ZNF469: variants seen among roughly 807,000 people sequenced by gnomAD.
ZNF469 encodes zinc finger protein 469.
In ZNF469, 1 loss-of-function variant was observed where a neutral mutation model predicts 1.0. That is an observed-to-expected ratio of 1.00 (90% CI 0.35 to 4.73). The LOEUF (loss-of-function observed/expected upper bound fraction) is 4.73, where lower values mean the gene tolerates loss of function less well. Ranked by LOEUF, ZNF469 falls within the 30% of genes most tolerant of loss-of-function variation. The probability of loss-of-function intolerance (pLI) is 0.16; values close to 1 mark genes in which losing one functional copy is unlikely to be tolerated. For synonymous variants in ZNF469, 2,703 were observed against 2,363.4 expected (o/e 1.14, Z -4.17); for missense variants, 6,100 against 5,356.3 (o/e 1.14, Z -4.33).
chr16:88,434,037 T>C lies in ZNF469; in HGVS notation c.6567T>C (p.Ala2189=). 6.5e-7 allele frequency: 1 copy of C among 1,550,276 alleles called. No homozygotes were observed. ...DGVQATTDTG[A]EDSPVAPPSL... is the part of the protein sequence containing the mutation. Reference sequence around the variant, plus strand: ...TCCAAGCCACGACAGATACTGGGGCTGAGGATTCCCCGGTGGCTCCCCCGT... The same window carrying C: ...TCCAAGCCACGACAGATACTGGGGCCGAGGATTCCCCGGTGGCTCCCCCGT... The change falls in exon 3 of 3, where the codon GCT becomes GCC. Residue 2189 remains alanine, a synonymous_variant. Transcript: ENST00000565624.
At chr16:88,324,919 G>A in the ZNF469 span, among the ~76,000 whole-genome samples, 4 of 152,146 alleles carry the variant, frequency 2.6e-5, no homozygotes, top group African/African-American at 4.8e-5. Flanking sequence ...TCTGTAGGCC[G>A]TACAGGAAGC....
chr16:88,113,727 G>T, the ZNF469 span, among the ~76,000 whole-genome samples: 1 of 152,232 alleles, frequency 6.6e-6, no homozygotes, highest in African/African-American at 2.4e-5. Context: ...AGGCGGTGCA[G>T]GGCCCCAGCT....
chr16:88,153,726 G>A, the ZNF469 span, among the ~76,000 whole-genome samples: 1 of 152,220 alleles, frequency 6.6e-6, no homozygotes, highest in South Asian at 2.1e-4. Context: ...CAAGGTCAAG[G>A]GCCCTACAGA....
In ZNF469 at chr16:88,440,398, A is replaced by C. The variant is rs991790954; in HGVS notation, c.*1066A>C. ...CTGGCCAGGGCACCCTCATGCACCGACCCAACCCAGGCCTGGGACGCACGT... is the reference window on the plus strand; with the variant it reads ...CTGGCCAGGGCACCCTCATGCACCGCCCCAACCCAGGCCTGGGACGCACGT... On this transcript the variant is annotated 3_prime_UTR_variant, in exon 3 of 3. Transcript: ENST00000565624. 1 of 151,500 alleles carries C rather than the reference A, an allele frequency of 6.6e-6. No homozygotes were observed. 9.4% of individuals were successfully genotyped at this position (151,500 alleles called of 1,614,324 possible).
At chr16:88,179,288 C>A in the ZNF469 span, among the ~76,000 whole-genome samples, 8 of 152,224 alleles carry the variant, frequency 5.3e-5, no homozygotes. Context: ...ACCTGGCAGT[C>A]ATGAACGAGC....
Position 88,430,557 on chromosome 16 carries a change from G to C in ZNF469, c.3087G>C (p.Arg1029=). The C allele has an allele frequency of 6.8e-7, 1 of 1,472,682 alleles. No homozygotes were observed. The highest frequency in any genetic ancestry group is 8.9e-7 in the Non-Finnish European group (1 of 1,118,782). 91.2% of individuals were successfully genotyped at this position (1,472,682 alleles called of 1,614,324 possible). A position where few individuals can be genotyped will look rare whatever the true frequency, so the allele number is the denominator to read the frequency against. Residue 1029 remains arginine, a synonymous_variant, in exon 3 of 3, where the codon CGG becomes CGC. Coordinates refer to ENST00000565624, the MANE Select transcript of ZNF469 (RefSeq NM_001367624.2). ...AGACCCGCAGCTCCCGGCGCCGCCG[G>C]CTGCCCCCCAGGAAGGACCCCAGGA... ...PEETRSSRRR[R]LPPRKDPRKR...
At chr16:88,248,894 T>G in the ZNF469 span, among the ~76,000 whole-genome samples, 1 of 152,150 alleles carries the variant, frequency 6.6e-6, no homozygotes, top group Non-Finnish European at 1.5e-5. Context: ...ATGATCTCTC[T>G]GTGTGCGCAC....
At chr16:88,276,821 G>A in the ZNF469 span, among the ~76,000 whole-genome samples, 8,236 of 152,122 alleles carry the variant, frequency 0.054, 727 homozygotes, top group African/African-American at 0.19. Context: ...GCTGCGCCAC[G>A]CCGACACTTG....
chr16:88,124,054 C>T, the ZNF469 span, among the ~76,000 whole-genome samples: 33 of 152,326 alleles, frequency 2.2e-4, no homozygotes, highest in Admixed American at 1.5e-3. Flanking sequence ...CCAGCTGCCT[C>T]GGCCTCCCAA....
chr16:88,418,768 A>C (rs1905372031), intron 1 of ZNF469, among the ~76,000 whole-genome samples: 1 of 152,340 alleles, frequency 6.6e-6, no homozygotes, highest in East Asian at 1.9e-4. Context: ...CCTCCGGGCC[A>C]TATCTCAGAT....
the ZNF469 span, among the ~76,000 whole-genome samples, chr16:88,304,503 A>G: frequency 6.6e-6 from 1 of 152,114 alleles, no homozygotes; most frequent in Non-Finnish European, 1.5e-5. Flanking sequence ...ACTTTTGGTG[A>G]CAGACTCACC....
the ZNF469 span, among the ~76,000 whole-genome samples, chr16:88,165,750 A>C: frequency 6.6e-6 from 1 of 151,976 alleles, no homozygotes; most frequent in African/African-American, 2.4e-5. Context: ...TCCACACTGA[A>C]ACTGTGTCCC....
At chr16:88,262,945 G>T in the ZNF469 span, among the ~76,000 whole-genome samples, 25 of 152,368 alleles carry the variant, frequency 1.6e-4, no homozygotes, top group African/African-American at 5.8e-4. The surrounding 1 kb of genome is among the most constrained non-coding windows in gnomAD (Gnocchi z 4.3). Context: ...CTTGAGTGGG[G>T]CTGGGCTCCC....
At chr16:88,260,636 C>CTA in the ZNF469 span, among the ~76,000 whole-genome samples, 1 of 152,162 alleles carries the variant, frequency 6.6e-6, no homozygotes, top group Non-Finnish European at 1.5e-5. The surrounding 1 kb of genome is among the most constrained non-coding windows in gnomAD (Gnocchi z 4.1). Context: ...CTCGCGGCTC[C>CTA]GTGTTGACTA....
At chr16:88,144,008 G>A in the ZNF469 span, among the ~76,000 whole-genome samples, 3 of 151,228 alleles carry the variant, frequency 2.0e-5, no homozygotes, top group Non-Finnish European at 4.4e-5. Context: ...GGTCTGCCAC[G>A]TGCCAGGCGC....
chr16:88,260,212 C>A, the ZNF469 span, among the ~76,000 whole-genome samples: 2 of 151,806 alleles, frequency 1.3e-5, no homozygotes, highest in Non-Finnish European at 2.9e-5. The surrounding 1 kb of genome is among the most constrained non-coding windows in gnomAD (Gnocchi z 4.1). Context: ...TGGTCTCACA[C>A]TCCTGACCTC....
At position 88,437,804 on chromosome 16, in the gene ZNF469, G is replaced by T. The variant is rs1313348084; in HGVS notation, c.10334G>T (p.Arg3445Leu). The T allele has an allele frequency of 1.9e-6, 3 of 1,544,850 alleles. No individual in the cohort carries two copies. Among genetic ancestry groups the T allele is most frequent in the Non-Finnish European group, 2.6e-6 (3 of 1,142,958 alleles). Residue 3445 changes from arginine to leucine, a missense_variant, in exon 3 of 3, where the codon CGG becomes CTG. Coordinates refer to ENST00000565624, the MANE Select transcript of ZNF469 (RefSeq NM_001367624.2). Reference sequence around the variant, plus strand: ...ATGAACAAGCACCTCAGGGGGGGGCGGCAGCCCTTCGCGTTCCGCGGCGTG... The same window carrying T: ...ATGAACAAGCACCTCAGGGGGGGGCTGCAGCCCTTCGCGTTCCGCGGCGTG... ...RHMNKHLRGG[R>L]QPFAFRGVRR... is the part of the protein sequence containing the mutation.
At chr16:88,168,227 G>A in the ZNF469 span, among the ~76,000 whole-genome samples, 1 of 152,240 alleles carries the variant, frequency 6.6e-6, no homozygotes, top group Non-Finnish European at 1.5e-5. This position sits in a 1 kb window ranked among gnomAD's most constrained non-coding sequence, Gnocchi z 4.3. Context: ...AGTTTGGTCT[G>A]AAACTCAGAG....
rs924208345 is a variant in ZNF469, at chr16:88,436,974, G to T, written c.9504G>T (p.Ala3168=). ...LLRGHLQERH[A]QSKAGPWACG... ...GGGGGCACCTGCAGGAGAGGCACGCGCAGAGCAAGGCCGGGCCCTGGGCGT... is the reference window on the plus strand; with the variant it reads ...GGGGGCACCTGCAGGAGAGGCACGCTCAGAGCAAGGCCGGGCCCTGGGCGT... Residue 3168 remains alanine, a synonymous_variant, in exon 3 of 3, where the codon GCG becomes GCT. Coordinates refer to ENST00000565624, the MANE Select transcript of ZNF469 (RefSeq NM_001367624.2). The T allele has an allele frequency of 1.3e-6, 2 of 1,508,582 alleles. No homozygotes were observed. Among genetic ancestry groups the T allele is most frequent in the African/African-American group, 1.4e-5 (1 of 72,294 alleles). 93.4% of individuals were successfully genotyped at this position (1,508,582 alleles called of 1,614,324 possible). A position where few individuals can be genotyped will look rare whatever the true frequency, so the allele number is the denominator to read the frequency against.
Sources: allele counts gnomAD v4.1 joint callset (sites outside exome capture counted in the v4.1 genomes callset), GRCh38; gene constraint gnomAD v4.1.1; non-coding constraint Gnocchi (gnomAD v3.1); transcripts MANE v1.5; gene names NCBI Gene and HGNC (gene_info 2026-07-23, HGNC 2026-07-21).